Variants in A1CF observed in about 807,000 individuals in gnomAD.
A1CF encodes APOBEC1 complementation factor.
Under a neutral mutation model 68.9 loss-of-function variants are expected in A1CF, and 48 were observed. The ratio of observed to expected loss-of-function variants is 0.70; its 90% confidence interval spans 0.55 to 0.89. The LOEUF (loss-of-function observed/expected upper bound fraction) is 0.89, where lower values mean the gene tolerates loss of function less well. Among genes scored for constraint, A1CF ranks in the 40% least tolerant of loss-of-function variants. The pLI, the probability that A1CF is intolerant of heterozygous loss-of-function variation, is 0.00. For missense variants in A1CF, 653 were observed against 718.9 expected (o/e 0.91, Z 1.05); for synonymous variants, 272 against 260.4 (o/e 1.04, Z -0.43).
At chr10:50,869,235 C>T (rs1441971497) in intron 1 of A1CF, among the ~76,000 whole-genome samples, 1 of 152,040 alleles carries the variant, frequency 6.6e-6, no homozygotes, top group African/African-American at 2.4e-5. Context: ...TGATACCTAA[C>T]TTGAAGGTTC....
chr10:50,867,937 A>T (rs1276766929), intron 1 of A1CF, among the ~76,000 whole-genome samples: 1 of 152,164 alleles, frequency 6.6e-6, no homozygotes, highest in Admixed American at 6.5e-5. Context: ...GGATAAGGAA[A>T]CTGAATGGGG....
At chr10:50,864,539 T>TG (rs1242653572) in intron 1 of A1CF, among the ~76,000 whole-genome samples, 1 of 129,838 alleles carries the variant, frequency 7.7e-6, no homozygotes, top group African/African-American at 2.5e-5. Context: ...TCTCAGACAC[T>TG]GTGTTTTTAT....
intron 11 of A1CF, among the ~76,000 whole-genome samples, chr10:50,810,614 A>G (rs905447353): frequency 1.1e-4 from 17 of 152,190 alleles, no homozygotes; most frequent in South Asian, 4.2e-4. Flanking sequence ...AACTATGACT[A>G]CAGGCGCCTG....
At chr10:50,810,831 C>G (rs950803981) in intron 11 of A1CF, among the ~76,000 whole-genome samples, 1 of 152,208 alleles carries the variant, frequency 6.6e-6, no homozygotes, top group Non-Finnish European at 1.5e-5. Flanking sequence ...GGTGATACTA[C>G]ACAACCTTCA....
intron 3 of A1CF, among the ~76,000 whole-genome samples, chr10:50,857,650 C>A (rs1402567010): frequency 1.3e-5 from 2 of 152,156 alleles, no homozygotes; most frequent in Non-Finnish European, 2.9e-5. Flanking sequence ...GTATTCCCTG[C>A]CTTTGTGTTT....
At chr10:50,811,546 A>G (rs1302942406) in intron 10 of A1CF, among the ~76,000 whole-genome samples, 1 of 152,122 alleles carries the variant, frequency 6.6e-6, no homozygotes, top group Non-Finnish European at 1.5e-5. Flanking sequence ...ATTACTCTCA[A>G]TCTCTGTGTT....
At chr10:50,818,043 CCTT>C (rs1451010426) in intron 8 of A1CF, among the ~76,000 whole-genome samples, 1 of 152,118 alleles carries the variant, frequency 6.6e-6, no homozygotes, top group Non-Finnish European at 1.5e-5. Flanking sequence ...AATGACTTGT[CCTT>C]CTTTTTCACC....
chr10:50,857,778 T>C (rs16910325), intron 3 of A1CF, among the ~76,000 whole-genome samples: 7,590 of 152,254 alleles, frequency 0.05, 625 homozygotes, highest in African/African-American at 0.17. Context: ...GTCACCTCAA[T>C]TTCCAGATTT....
chr10:50,882,159 C>T (rs780364413), intron 1 of A1CF, among the ~76,000 whole-genome samples: 1 of 152,064 alleles, frequency 6.6e-6, no homozygotes, highest in South Asian at 2.1e-4. Flanking sequence ...TAACCTAGAC[C>T]GGGCATGTTG....
intron 3 of A1CF, among the ~76,000 whole-genome samples, chr10:50,848,408 A>T (rs571928640): frequency 6.6e-6 from 1 of 152,328 alleles, no homozygotes; most frequent in Admixed American, 6.5e-5. Context: ...AAAAATTGTG[A>T]TGATTATTCT....
At chr10:50,860,603 A>G (rs1031942838) in intron 2 of A1CF, among the ~76,000 whole-genome samples, 2 of 152,228 alleles carry the variant, frequency 1.3e-5, no homozygotes, top group African/African-American at 4.8e-5. Context: ...CACCCAGATC[A>G]CATACCACAG....
Position 50,813,844 on chromosome 10 carries a change from T to A in A1CF, c.1323+13A>T. 6.8e-6 allele frequency: 11 copies of A among 1,611,310 alleles called. No homozygotes were observed. Among genetic ancestry groups the A allele is most frequent in the Non-Finnish European group, 9.3e-6 (11 of 1,177,562 alleles). ...CAACTTAAAGAAACTATTTCTGGAATAACATTACCTACCTGGGGAGCGAGT... is the reference window on the plus strand; with the variant it reads ...CAACTTAAAGAAACTATTTCTGGAAAAACATTACCTACCTGGGGAGCGAGT... On this transcript the variant is annotated intron_variant, in intron 10 of 12. Transcript: ENST00000373997.
At chr10:50,812,283 GTC>G (rs1449183584) in intron 10 of A1CF, among the ~76,000 whole-genome samples, 2 of 152,188 alleles carry the variant, frequency 1.3e-5, no homozygotes, top group Non-Finnish European at 2.9e-5. Flanking sequence ...GAAAGGGCTT[GTC>G]TCTCTGCTTC....
intron 1 of A1CF, among the ~76,000 whole-genome samples, chr10:50,869,519 A>G (rs1055241922): frequency 6.6e-6 from 1 of 152,058 alleles, no homozygotes; most frequent in African/African-American, 2.4e-5. Context: ...TTTGCTACCT[A>G]GTAGAAAAGT....
intron 1 of A1CF, among the ~76,000 whole-genome samples, chr10:50,865,796 C>T (rs925633911): frequency 1.3e-5 from 2 of 152,190 alleles, no homozygotes; most frequent in African/African-American, 2.4e-5. Context: ...TGTAGGTAAC[C>T]TTCAAGTGTC....
intron 4 of A1CF, among the ~76,000 whole-genome samples, chr10:50,842,789 T>G (rs1441870407): frequency 6.6e-6 from 1 of 152,220 alleles, no homozygotes; most frequent in Non-Finnish European, 1.5e-5. Context: ...GACATCAAAA[T>G]GAACACAGAT....
intron 8 of A1CF, among the ~76,000 whole-genome samples, chr10:50,818,004 C>T (rs1175428959): frequency 3.9e-5 from 6 of 152,126 alleles, no homozygotes; most frequent in Non-Finnish European, 8.8e-5. Context: ...TCCTGACTTT[C>T]ATAACAACCT....
At chr10:50,812,952 C>T (rs1343532871) in intron 10 of A1CF, among the ~76,000 whole-genome samples, 1 of 152,104 alleles carries the variant, frequency 6.6e-6, no homozygotes, top group Non-Finnish European at 1.5e-5. Context: ...CCAGAAATCC[C>T]ATTAAAAAAT....
At chr10:50,879,666 A>G (rs926058779) in intron 1 of A1CF, among the ~76,000 whole-genome samples, 4 of 152,192 alleles carry the variant, frequency 2.6e-5, no homozygotes, top group African/African-American at 9.7e-5. Context: ...TCTCATGAGA[A>G]TTCACTCATT....
Sources: gnomAD v4.1 joint callset for allele counts (sites outside exome capture counted in the v4.1 genomes callset) on GRCh38, gnomAD v4.1.1 for gene constraint, MANE v1.5 for transcripts, NCBI Gene and HGNC (gene_info 2026-07-23, HGNC 2026-07-21) for gene names.